The following ONECUT3 variants were observed in gnomAD, a reference collection of about 807,000 sequenced individuals.
ONECUT3 encodes one cut homeobox 3.
ONECUT3 carries 11 observed loss-of-function variants against 16.8 expected under a neutral mutation model. The observed-to-expected ratio is 0.66, with a 90% CI of 0.41 to 1.09. The LOEUF (loss-of-function observed/expected upper bound fraction) is 1.09, where lower values mean the gene tolerates loss of function less well. Ranked by LOEUF, ONECUT3 falls within the 50% of genes least tolerant of loss-of-function variation. The pLI is 0.00. For synonymous variants in ONECUT3, 344 were observed against 310.7 expected (o/e 1.11, Z -1.13); for missense variants, 637 against 629.9 (o/e 1.01, Z -0.12).
At chr19:1,765,119 T>C (rs2072554110) in intron 1 of ONECUT3, among the ~76,000 whole-genome samples, 1 of 152,074 alleles carries the variant, frequency 6.6e-6, no homozygotes, top group Non-Finnish European at 1.5e-5. Flanking sequence ...GAATCGCCCA[T>C]TGCTGCATCC....
chr19:1,770,428 C>A (rs547620081), intron 1 of ONECUT3, among the ~76,000 whole-genome samples: 8 of 152,174 alleles, frequency 5.3e-5, no homozygotes, highest in South Asian at 2.1e-4. Flanking sequence ...CACAGCAAGA[C>A]CCTGTCTCAA....
At chr19:1,774,235 T>G (rs201402356) in intron 1 of ONECUT3, among the ~76,000 whole-genome samples, 1 of 152,108 alleles carries the variant, frequency 6.6e-6, no homozygotes, top group East Asian at 1.9e-4. Flanking sequence ...ACTCACAGGG[T>G]CCCTAAGGGT....
At chr19:1,763,465 G>C (rs911388948) in intron 1 of ONECUT3, among the ~76,000 whole-genome samples, 2 of 150,504 alleles carry the variant, frequency 1.3e-5, no homozygotes, top group African/African-American at 4.9e-5. Flanking sequence ...AGGATCTCTT[G>C]AGCAAGGGAG....
Position 1,753,509 on chromosome 19 carries a change from T to A in ONECUT3, c.-154T>A. The A allele has an allele frequency of 4.9e-6, 1 of 203,250 alleles. No homozygotes were observed. 12.6% of individuals were successfully genotyped at this position (203,250 alleles called of 1,614,324 possible). ...CGCCGGCGGCCGCTCCCCTGCCACATCCTGGTGGCCGCGCTCGCAGCCGGG... is the reference window on the plus strand; with the variant it reads ...CGCCGGCGGCCGCTCCCCTGCCACAACCTGGTGGCCGCGCTCGCAGCCGGG... On this transcript the variant is annotated 5_prime_UTR_variant, in exon 1 of 2. Transcript: ENST00000382349.
intron 1 of ONECUT3, among the ~76,000 whole-genome samples, chr19:1,769,562 G>A (rs2068034294): frequency 6.6e-6 from 1 of 151,466 alleles, no homozygotes; most frequent in South Asian, 2.1e-4. Flanking sequence ...GTTGGCACAG[G>A]GGTGGCCTTT....
At chr19:1,756,423 A>G (rs1415991034) in intron 1 of ONECUT3, among the ~76,000 whole-genome samples, 1 of 152,190 alleles carries the variant, frequency 6.6e-6, no homozygotes, top group African/African-American at 2.4e-5. Flanking sequence ...CATGACACAT[A>G]CAGCGGCACT....
chr19:1,763,739 T>G lies in ONECUT3; in HGVS notation c.1192+8885T>G, dbSNP rs534106031. On this transcript the variant is annotated intron_variant, in intron 1 of 1. Coordinates refer to ENST00000382349, the MANE Select transcript of ONECUT3 (RefSeq NM_001080488.2). ...TTTTTATTTCCCTTTTTTGTTTTTT[T>G]TTTTTTTTTAACAGAAAGGGGAGCT... is the stretch of plus-strand genomic sequence containing the variant. 4.2e-3 allele frequency among the ~76,000 whole-genome samples: 621 copies of G among 148,936 alleles called. 5 individuals carry two copies. Among genetic ancestry groups the G allele is most frequent in the African/African-American group, 0.015 (599 of 39,048 alleles).
rs547917720 is a variant in ONECUT3 at position 1,756,075 on chromosome 19, G to A, written c.1192+1221G>A. On this transcript the variant is annotated intron_variant, in intron 1 of 1. Coordinates refer to ENST00000382349, the MANE Select transcript of ONECUT3 (RefSeq NM_001080488.2). The stretch of plus-strand genomic sequence containing the variant: ...CGCCCCACTAGCAAAGAGGCAGAGG[G>A]GCTTGCGGCTGTGCCCCCAGGCAGC... 2.6e-5 allele frequency among the ~76,000 whole-genome samples: 4 copies of A among 152,036 alleles called. No homozygotes were observed. The South Asian group carries it at 8.3e-4, about 32-fold the overall frequency.
rs1389135298 is a variant in ONECUT3, at chr19:1,762,674, G to A, written c.1192+7820G>A. ...CCGGGACCACGCGCCCGCGGCCTTG[G>A]AGCCTCAGGGTCACTGGTGCGGGCT... On this transcript the variant is annotated intron_variant, in intron 1 of 1. Transcript: ENST00000382349. The surrounding 1 kb of genome is among the most constrained non-coding windows in gnomAD (Gnocchi z 4.4). Among the ~76,000 whole-genome samples, 3 of 152,246 alleles carry A rather than the reference G, an allele frequency of 2.0e-5. No individual in the cohort carries two copies. The highest frequency in any genetic ancestry group is 4.4e-5 in the Non-Finnish European group (3 of 68,038).
chr19:1,754,256 G>C lies in ONECUT3; in HGVS notation c.594G>C (p.Pro198=), dbSNP rs1489232708. ...AGGAGCTGCCCGCCATGGGGTCGCC[G>C]CTGTCGCCGCTGCCCAACGCGCTGC... ...YGKELPAMGS[P]LSPLPNALPP... Residue 198 remains proline (P), a synonymous_variant, in exon 1 of 2, where the codon CCG becomes CCC. Coordinates refer to ENST00000382349, the MANE Select transcript of ONECUT3 (RefSeq NM_001080488.2). This position sits in a 1 kb window ranked among gnomAD's most constrained non-coding sequence, Gnocchi z 7.4. The C allele has an allele frequency of 7.5e-6, 8 of 1,066,836 alleles. No homozygotes were observed. The Middle Eastern group carries it at 1.3e-3, about 174-fold the overall frequency. 66.1% of individuals were successfully genotyped at this position (1,066,836 alleles called of 1,614,324 possible).
At position 1,764,998 on chromosome 19, in the gene ONECUT3, C is replaced by T. The variant is rs964370515; in HGVS notation, c.1192+10144C>T. ...AGAGGTGGCTGAGGGAGGGGATCTC[C>T]AGCTCCAGGACACAGGGAGGACGGG... is the stretch of plus-strand genomic sequence containing the variant. On this transcript the variant is annotated intron_variant, in intron 1 of 1. Transcript: ENST00000382349. The surrounding 1 kb of genome is among the most constrained non-coding windows in gnomAD (Gnocchi z 5.0). 2.0e-5 allele frequency among the ~76,000 whole-genome samples: 3 copies of T among 152,104 alleles called. No homozygotes were observed. Among genetic ancestry groups the T allele is most frequent in the East Asian group, 1.9e-4 (1 of 5,176 alleles).
rs1232012492 is a variant in ONECUT3 at position 1,778,889 on chromosome 19, C to CACAT, written c.*3447_*3448insTACA. 7.9e-5 allele frequency: 12 copies of CACAT among 150,996 alleles called. No homozygotes were observed. The highest frequency in any genetic ancestry group is 2.9e-4 in the African/African-American group (12 of 40,774). 9.4% of individuals were successfully genotyped at this position (150,996 alleles called of 1,614,324 possible). A position where few individuals can be genotyped will look rare whatever the true frequency, so the allele number is the denominator to read the frequency against. On this transcript the variant is annotated 3_prime_UTR_variant, in exon 2 of 2. Coordinates refer to ENST00000382349, the MANE Select transcript of ONECUT3 (RefSeq NM_001080488.2). ...TATCACACACACACACACACACACA[C>CACAT]ACACACACACACACACACACACACC...
Position 1,755,778 on chromosome 19 carries a change from G to A in ONECUT3, c.1192+924G>A, listed in dbSNP as rs140407787. ...TGTCTCTGTCTCATACTCAGCCACCGGCCCCCTGGGGACCCTCCTCCCTCC... is the reference window on the plus strand; with the variant it reads ...TGTCTCTGTCTCATACTCAGCCACCAGCCCCCTGGGGACCCTCCTCCCTCC... On this transcript the variant is annotated intron_variant, in intron 1 of 1. Transcript: ENST00000382349. The surrounding 1 kb of genome is among the most constrained non-coding windows in gnomAD (Gnocchi z 7.5). 5.4e-3 allele frequency among the ~76,000 whole-genome samples: 816 copies of A among 152,222 alleles called. 6 individuals carry two copies. Among genetic ancestry groups the A allele is most frequent in the Middle Eastern group, 0.01 (3 of 294 alleles).
At chr19:1,775,031 C>A (rs771809334) in intron 1 of ONECUT3, 122 bp from the exon 2 acceptor site, 46 of 618,492 alleles carry the variant, frequency 7.4e-5, no homozygotes, top group Non-Finnish European at 3.0e-5. Flanking sequence ...TCGCCTTTCC[C>A]CAACGTGTCC....
At chr19:1,756,555 G>A (rs1055847482) in intron 1 of ONECUT3, among the ~76,000 whole-genome samples, 2 of 152,124 alleles carry the variant, frequency 1.3e-5, no homozygotes, top group Non-Finnish European at 2.9e-5. Context: ...TTGAGACGGA[G>A]TTTCACTCTT....
In ONECUT3 at chr19:1,754,534, C is replaced by G. The variant is rs2067906441; in HGVS notation, c.872C>G (p.Ala291Gly). Reference protein sequence around the residue: ...AGLLAPLGGLAAAGAHGPHGG... With the variant: ...AGLLAPLGGLGAAGAHGPHGG... ...CTGCTGGCGCCGCTGGGCGGGCTGG[C>G]GGCGGCCGGGGCGCACGGGCCGCAC... is the stretch of plus-strand genomic sequence containing the variant. The change falls in exon 1 of 2, where the codon GCG becomes GGG. Residue 291 changes from alanine (A) to glycine (G), a missense_variant. Transcript: ENST00000382349. This position sits in a 1 kb window ranked among gnomAD's most constrained non-coding sequence, Gnocchi z 7.4. The G allele has an allele frequency of 2.0e-6, 2 of 980,092 alleles. No individual in the cohort carries two copies. The highest frequency in any genetic ancestry group is 6.4e-5 in the Admixed American group (1 of 15,700). 60.7% of individuals were successfully genotyped at this position (980,092 alleles called of 1,614,324 possible).
rs58105449 is a variant in ONECUT3 at position 1,756,695 on chromosome 19, A to ATTTTTTTTTTTTTTTTTT, written c.1192+1848_1192+1865dup. On this transcript the variant is annotated intron_variant, in intron 1 of 1. Coordinates refer to ENST00000382349, the MANE Select transcript of ONECUT3 (RefSeq NM_001080488.2). ...CAGACGCCCGCCACCACGCCTGGCT[A>ATTTTTTTTTTTTTTTTTT]TTTTTTTTTTTTTTTTTTTTTTTTG... Among the ~76,000 whole-genome samples the ATTTTTTTTTTTTTTTTTT allele has an allele frequency of 2.2e-4, 22 of 101,140 alleles. 1 individual carries two copies. The highest frequency in any genetic ancestry group is 3.2e-4 in the African/African-American group (8 of 24,662). 66.4% of individuals were successfully genotyped at this position (101,140 alleles called of 152,430 possible).
At position 1,753,618 on chromosome 19, in the gene ONECUT3, AG is replaced by A; in HGVS notation, c.-41del. The A allele has an allele frequency of 1.3e-6, 1 of 785,202 alleles. No individual in the cohort carries two copies. The highest frequency in any genetic ancestry group is 1.6e-6 in the Non-Finnish European group (1 of 634,366). The allele number at this position is 785,202 out of a possible 1,614,324, so 48.6% of individuals were successfully genotyped here. A position where few individuals can be genotyped will look rare whatever the true frequency, so the allele number is the denominator to read the frequency against. On this transcript the variant is annotated 5_prime_UTR_variant, in exon 1 of 2. Transcript: ENST00000382349. Reference sequence around the variant, plus strand: ...GAGTCATGCAGCGGCCTTGAGCACTAGGGGCCGGCGCTGAGGAGCGCGCGCG... The same window carrying A: ...GAGTCATGCAGCGGCCTTGAGCACTAGGGCCGGCGCTGAGGAGCGCGCGCG...
intron 1 of ONECUT3, among the ~76,000 whole-genome samples, chr19:1,765,176 TC>T (rs2145961957): frequency 1.3e-5 from 2 of 152,234 alleles, no homozygotes; most frequent in African/African-American, 4.8e-5. Flanking sequence ...GGTCTCCATC[TC>T]CTCTAGTTGC....
Sources: allele counts gnomAD v4.1 joint callset (sites outside exome capture counted in the v4.1 genomes callset), GRCh38; gene constraint gnomAD v4.1.1; non-coding constraint Gnocchi (gnomAD v3.1); transcripts MANE v1.5; gene names NCBI Gene and HGNC (gene_info 2026-07-23, HGNC 2026-07-21).